Variants in DOCK1 observed in about 807,000 individuals in gnomAD.
DOCK1 encodes the protein dedicator of cytokinesis protein 1.
Under a neutral mutation model 262.7 loss-of-function variants are expected in DOCK1, and 138 were observed. The observed-to-expected ratio is 0.53, with a 90% confidence interval of 0.46 to 0.61. The LOEUF (loss-of-function observed/expected upper bound fraction) is 0.61, where lower values mean the gene tolerates loss of function less well. Among genes scored for constraint, DOCK1 ranks in the 20% least tolerant of loss-of-function variants. The probability of loss-of-function intolerance (pLI) is 0.00; values close to 1 mark genes in which losing one functional copy is unlikely to be tolerated. For synonymous variants in DOCK1, 866 were observed against 867.4 expected (o/e 1.00, Z 0.03); for missense variants, 1,908 against 2,370.7 (o/e 0.80, Z 4.05).
intron 26 of DOCK1, among the ~76,000 whole-genome samples, chr10:127,126,556 G>C (rs2049975074): frequency 1.3e-5 from 2 of 152,114 alleles, no homozygotes; most frequent in Admixed American, 1.3e-4. Context: ...CATAGTGAGA[G>C]CCTGTCTCTA....
chr10:127,374,022 A>T, intron 34 of DOCK1, 36 bp from the exon 35 acceptor site: 1 of 1,574,394 alleles, frequency 6.4e-7, no homozygotes, highest in Admixed American at 1.9e-5. Context: ...TCTTTTTCTG[A>T]GTGTGATTAA....
intron 18 of DOCK1, among the ~76,000 whole-genome samples, chr10:127,036,981 G>GAAAAAAAA (rs11429952): frequency 0.1 from 12,570 of 126,200 alleles, 491 homozygotes; most frequent in East Asian, 0.14. Flanking sequence ...CCATCTCAAG[G>GAAAAAAAA]AAAAAAAAAA....
Position 126,998,456 on chromosome 10 carries a change from G to T in DOCK1, c.767+207G>T. On this transcript the variant is annotated intron_variant, in intron 8 of 51. Transcript: ENST00000623213. ...GTCAGGGTGAACCTTCTTGCGTGTA[G>T]ATTGCTATTTGCTCGTAGAGTTATA... 5.4e-6 allele frequency: 3 copies of T among 552,552 alleles called. No homozygotes were observed. In the South Asian group the frequency reaches 8.5e-5, roughly 16 times the overall value. 34.2% of individuals were successfully genotyped at this position (552,552 alleles called of 1,614,324 possible).
At chr10:127,288,325 C>T (rs1309476885) in intron 29 of DOCK1, among the ~76,000 whole-genome samples, 1 of 152,106 alleles carries the variant, frequency 6.6e-6, no homozygotes, top group African/African-American at 2.4e-5. Flanking sequence ...CATTTTCCAT[C>T]CCAAACCTGG....
chr10:127,028,530 T>TC (rs1391016972), intron 16 of DOCK1, among the ~76,000 whole-genome samples: 19 of 152,276 alleles, frequency 1.2e-4, no homozygotes, highest in African/African-American at 4.3e-4. Context: ...ACCCAGGTAG[T>TC]CAGTGGAAGA....
chr10:127,409,368 G>A lies in DOCK1; in HGVS notation c.4320G>A (p.Arg1440=). 6.2e-7 allele frequency: 1 copy of A among 1,613,942 alleles called. No individual in the cohort carries two copies. The highest frequency in any genetic ancestry group is 8.5e-7 in the Non-Finnish European group (1 of 1,179,876). ...TCGATCTGCCTCCTAAGTTTCACAG[G>A]CCAGTGTCAGAGCAGATTGTAAGGT... is the stretch of plus-strand genomic sequence containing the variant. ...PKLDLPPKFH[R]PVSEQIVSFY... is the part of the protein sequence containing the mutation. The change falls in exon 42 of 52, where the codon AGG becomes AGA. Residue 1440 remains arginine, a synonymous_variant. Coordinates refer to ENST00000623213, the MANE Select transcript of DOCK1 (RefSeq NM_001290223.2).
At chr10:127,321,385 G>A (rs1207868884) in intron 29 of DOCK1, among the ~76,000 whole-genome samples, 37 of 123,612 alleles carry the variant, frequency 3.0e-4, no homozygotes, top group Non-Finnish European at 5.1e-4. Flanking sequence ...TCTTCTGCCC[G>A]GAAGAAATAC....
At chr10:126,968,445 C>G (rs2037842866) in intron 1 of DOCK1, among the ~76,000 whole-genome samples, 1 of 152,080 alleles carries the variant, frequency 6.6e-6, no homozygotes, top group Non-Finnish European at 1.5e-5. Context: ...TTGTCTGGCT[C>G]ATTTCACAGT....
rs530354350 is a variant in DOCK1 at position 127,265,626 on chromosome 10, GGACACCT to G, written c.3044+8198_3044+8204del. On this transcript the variant is annotated intron_variant, in intron 29 of 51. Transcript: ENST00000623213. ...CCAGCCTGCCATATATGATGTCTATGGACACCTCATAATCACATGCAGCTCCTTTCAT... is the reference window on the plus strand; with the variant it reads ...CCAGCCTGCCATATATGATGTCTATGCATAATCACATGCAGCTCCTTTCAT... Among the ~76,000 whole-genome samples, 53 of 152,242 alleles carry G rather than the reference GGACACCT, an allele frequency of 3.5e-4. No individual in the cohort carries two copies. The East Asian group carries it at 0.01, about 29-fold the overall frequency.
At chr10:127,408,912 T>C in intron 40 of DOCK1, 125 bp from the exon 41 acceptor site, 1 of 1,294,388 alleles carries the variant, frequency 7.7e-7, no homozygotes, top group Admixed American at 2.9e-5. Flanking sequence ...AAATTACAAG[T>C]TGTTCTTAAA....
At chr10:127,220,559 G>A (rs1300737047) in intron 27 of DOCK1, among the ~76,000 whole-genome samples, 5 of 152,028 alleles carry the variant, frequency 3.3e-5, no homozygotes, top group Admixed American at 3.3e-4. Context: ...TTTACTGAGT[G>A]TCCTGGATTT....
intron 46 of DOCK1, among the ~76,000 whole-genome samples, chr10:127,420,820 C>T (rs1173426663): frequency 6.6e-6 from 1 of 150,638 alleles, no homozygotes; most frequent in African/African-American, 2.5e-5. Flanking sequence ...GCCTGGGTAA[C>T]GAGCAAAACT....
intron 28 of DOCK1, 51 bp downstream of exon 28, chr10:127,248,160 T>A: frequency 6.8e-7 from 1 of 1,476,768 alleles, no homozygotes; most frequent in Non-Finnish European, 9.4e-7. Flanking sequence ...GGGCCAGCAC[T>A]TTAGACAAAA....
intron 27 of DOCK1, among the ~76,000 whole-genome samples, chr10:127,210,891 G>T (rs1027198782): frequency 1.3e-5 from 2 of 152,210 alleles, no homozygotes; most frequent in East Asian, 3.8e-4. Flanking sequence ...AATGTGACAC[G>T]TGGCGTAATG....
intron 27 of DOCK1, among the ~76,000 whole-genome samples, chr10:127,240,760 T>C (rs1247158168): frequency 6.6e-6 from 1 of 152,164 alleles, no homozygotes; most frequent in Non-Finnish European, 1.5e-5. Context: ...AAATTCTATA[T>C]AATATGAAAA....
rs373308567 is a variant in DOCK1 at position 127,330,082 on chromosome 10, C to T, written c.3045-8924C>T. Among the ~76,000 whole-genome samples, 7 of 152,166 alleles carry T rather than the reference C, an allele frequency of 4.6e-5. No homozygotes were observed. In the East Asian group the frequency reaches 5.8e-4, roughly 13 times the overall value. On this transcript the variant is annotated intron_variant, in intron 29 of 51. Transcript: ENST00000623213. Reference sequence around the variant, plus strand: ...GGGGCTCCTAGTGGCTAATCGGCTCCAAGCTTTGGAGGGAGCATTTTAAGG... The same window carrying T: ...GGGGCTCCTAGTGGCTAATCGGCTCTAAGCTTTGGAGGGAGCATTTTAAGG...
chr10:127,067,217 A>G (rs1264608602), intron 23 of DOCK1, among the ~76,000 whole-genome samples: 1 of 152,226 alleles, frequency 6.6e-6, no homozygotes, highest in Admixed American at 6.5e-5. Context: ...CGATGGCCCC[A>G]CTGTGTTGGC....
At chr10:127,193,117 CAAAA>C (rs1212775508) in intron 27 of DOCK1, among the ~76,000 whole-genome samples, 1 of 151,926 alleles carries the variant, frequency 6.6e-6, no homozygotes, top group African/African-American at 2.4e-5. Flanking sequence ...ATATGTGAGA[CAAAA>C]AAGGATCTGC....
At chr10:127,049,394 A>C (rs1591809091) in intron 21 of DOCK1, among the ~76,000 whole-genome samples, 1 of 152,032 alleles carries the variant, frequency 6.6e-6, no homozygotes, top group Non-Finnish European at 1.5e-5. Flanking sequence ...GGTGGTGGGC[A>C]CCTGTAATCC....
Sources: allele counts gnomAD v4.1 joint callset (sites outside exome capture counted in the v4.1 genomes callset), GRCh38; gene constraint gnomAD v4.1.1; transcripts MANE v1.5; gene names NCBI Gene and HGNC (gene_info 2026-07-23, HGNC 2026-07-21).